The following NUP54 variants were observed in gnomAD, a reference collection of about 807,000 sequenced individuals.
NUP54 encodes nucleoporin p54.
A neutral mutation model predicts 66.4 loss-of-function variants in NUP54; 27 were observed. The observed-to-expected ratio is 0.41, with a 90% CI of 0.30 to 0.56. The LOEUF is 0.56. NUP54 is among the 20% of genes least tolerant of loss of function. The pLI is 0.34. For synonymous variants in NUP54, 206 were observed against 210.7 expected (o/e 0.98, Z 0.19); for missense variants, 486 against 596.3 (o/e 0.82, Z 1.93).
intron 4 of NUP54, among the ~76,000 whole-genome samples, chr4:76,135,290 T>A (rs1180532387): frequency 6.6e-6 from 1 of 152,202 alleles, no homozygotes; most frequent in Non-Finnish European, 1.5e-5. Flanking sequence ...AAGCCTTTTA[T>A]CCCTTTTCAC....
At chr4:76,138,557 T>C (rs1414635836) in intron 3 of NUP54, among the ~76,000 whole-genome samples, 1 of 152,152 alleles carries the variant, frequency 6.6e-6, no homozygotes, top group Non-Finnish European at 1.5e-5. Context: ...GTAGACAAGG[T>C]GCATTAAACA....
chr4:76,141,412 G>A (rs1044688493), intron 3 of NUP54, among the ~76,000 whole-genome samples: 2 of 151,920 alleles, frequency 1.3e-5, no homozygotes, highest in Non-Finnish European at 2.9e-5. Context: ...AACTACCCAA[G>A]GGACACCTCA....
intron 5 of NUP54, 38 bp from the exon 6 acceptor site, chr4:76,132,757 C>A (rs1037181684): frequency 1.3e-6 from 2 of 1,500,558 alleles, no homozygotes; most frequent in Non-Finnish European, 1.8e-6. Flanking sequence ...ATATGGAGCA[C>A]AAAACTCATA....
Position 76,132,587 on chromosome 4 carries a change from A to T in NUP54, c.843T>A (p.Leu281=). ...KTQLQQLGVT[L]SMTRTELSPA... ...GAGAAAGTTCTGTTCTAGTCATAGA[A>T]AGGGTTACACCAAGTTGCTGCAATT... Residue 281 remains leucine, a synonymous_variant, in exon 6 of 12, where the codon CTT becomes CTA. Coordinates refer to ENST00000264883, the MANE Select transcript of NUP54 (RefSeq NM_017426.4). 1.2e-6 allele frequency: 2 copies of T among 1,614,110 alleles called. No homozygotes were observed. Among genetic ancestry groups the T allele is most frequent in the Non-Finnish European group, 1.7e-6 (2 of 1,180,002 alleles).
rs1416487625 is a variant in NUP54, at chr4:76,115,127, CA to C, written c.*238del. On this transcript the variant is annotated 3_prime_UTR_variant, in exon 12 of 12. Coordinates refer to ENST00000264883, the MANE Select transcript of NUP54 (RefSeq NM_017426.4). ...AGTACATACAATTTTGGTAATTATG[CA>C]CTTCTTTTAAAGTAAATACAGCTTT... 2.9e-6 allele frequency: 1 copy of C among 342,324 alleles called. No individual in the cohort carries two copies. The highest frequency in any genetic ancestry group is 5.2e-6 in the Non-Finnish European group (1 of 191,936). The allele number at this position is 342,324 out of a possible 1,614,324, so 21.2% of individuals were successfully genotyped here.
chr4:76,119,862 A>C (rs983899836), intron 9 of NUP54, among the ~76,000 whole-genome samples: 4 of 152,088 alleles, frequency 2.6e-5, no homozygotes, highest in Non-Finnish European at 5.9e-5. Flanking sequence ...ACACACACAT[A>C]GACCGACTGC....
At chr4:76,134,074 T>C in intron 5 of NUP54, 101 bp downstream of exon 5, 2 of 734,352 alleles carry the variant, frequency 2.7e-6, no homozygotes, top group Admixed American at 6.3e-5. Context: ...CATTCTGCTC[T>C]GAGAGTTAAT....
Position 76,144,333 on chromosome 4 carries a change from A to G in NUP54, c.152-41T>C. The G allele has an allele frequency of 2.5e-6, 4 of 1,595,844 alleles. No homozygotes were observed. In the South Asian group the frequency reaches 4.6e-5, roughly 18 times the overall value. ...TGGAACTTCGTAAGTTAAAAAAAAA[A>G]AAAAATCTGACCTCTACTTCATTTA... On this transcript the variant is annotated intron_variant, in intron 2 of 11. Transcript: ENST00000264883.
At chr4:76,147,366 A>G (rs775368958) in intron 1 of NUP54, 12 of 598,082 alleles carry the variant, frequency 2.0e-5, no homozygotes, top group South Asian at 4.6e-5. Context: ...ATAAGGAAAT[A>G]AATTTCCTTT....
At chr4:76,125,638 G>GA in intron 8 of NUP54, among the ~76,000 whole-genome samples, 1 of 45,716 alleles carries the variant, frequency 2.2e-5, no homozygotes, top group South Asian at 1.0e-3. Context: ...GAGGGGGAGA[G>GA]GGGGAGAGGG....
At position 76,143,172 on chromosome 4, in the gene NUP54, C is replaced by T. The variant is rs536241591; in HGVS notation, c.295+977G>A. Among the ~76,000 whole-genome samples, 31 of 152,094 alleles carry T rather than the reference C, an allele frequency of 2.0e-4. No individual in the cohort carries two copies. The South Asian group carries it at 3.9e-3, about 19-fold the overall frequency. Reference sequence around the variant, plus strand: ...CAAAACAACAAAATATATATATGTACGCCCCAGATCTAACCCAATCATCAA... The same window carrying T: ...CAAAACAACAAAATATATATATGTATGCCCCAGATCTAACCCAATCATCAA... On this transcript the variant is annotated intron_variant, in intron 3 of 11. Coordinates refer to ENST00000264883, the MANE Select transcript of NUP54 (RefSeq NM_017426.4).
intron 2 of NUP54, 21 bp from the exon 3 acceptor site, chr4:76,144,313 C>A: frequency 6.4e-7 from 1 of 1,564,882 alleles, no homozygotes; most frequent in East Asian, 2.4e-5. Flanking sequence ...AAAATTGGAA[C>A]TTCGTAAGTT....
intron 8 of NUP54, among the ~76,000 whole-genome samples, chr4:76,127,046 A>G (rs61153596): frequency 0.16 from 23,807 of 152,078 alleles, 2,855 homozygotes; most frequent in African/African-American, 0.33. Flanking sequence ...AACATAAGAG[A>G]GGGTCTAGAA....
At chr4:76,118,295 AAAC>A (rs1246357129) in intron 9 of NUP54, 101 bp from the exon 10 acceptor site, 5 of 1,076,222 alleles carry the variant, frequency 4.6e-6, no homozygotes, top group Non-Finnish European at 2.8e-6. Flanking sequence ...GCTGAAAATC[AAAC>A]AACAGTAGGG....
chr4:76,125,287 C>CA (rs1730422307), intron 8 of NUP54, among the ~76,000 whole-genome samples: 1 of 108,610 alleles, frequency 9.2e-6, no homozygotes, highest in South Asian at 2.8e-4. Flanking sequence ...CTCACAGAAA[C>CA]AAAAAACAAA....
rs1201425934 is a variant in NUP54, at chr4:76,114,727, TA to T, written c.*638del. On this transcript the variant is annotated 3_prime_UTR_variant, in exon 12 of 12. Transcript: ENST00000264883. ...TCATCTTTTTAGAAATAAAAAGGCT[TA>T]AAAAACAAAATGGTTGCAAAAATGG... 5.3e-5 allele frequency: 8 copies of T among 151,250 alleles called. No homozygotes were observed. The highest frequency in any genetic ancestry group is 1.7e-4 in the African/African-American group (7 of 41,384). The allele number at this position is 151,250 out of a possible 1,614,324, so 9.4% of individuals were successfully genotyped here. A position where few individuals can be genotyped will look rare whatever the true frequency, so the allele number is the denominator to read the frequency against.
At chr4:76,118,230 ATC>A (rs1210444616) in intron 9 of NUP54, 36 bp from the exon 10 acceptor site, 3 of 1,594,680 alleles carry the variant, frequency 1.9e-6, no homozygotes, top group East Asian at 2.2e-5. Context: ...CAACAGAATC[ATC>A]TCTTTTTAGT....
intron 3 of NUP54, among the ~76,000 whole-genome samples, chr4:76,139,596 G>T (rs1055055628): frequency 3.9e-5 from 6 of 152,164 alleles, no homozygotes; most frequent in African/African-American, 1.4e-4. Flanking sequence ...TTTGGATCAT[G>T]ATTCAAACAA....
intron 8 of NUP54, among the ~76,000 whole-genome samples, chr4:76,125,318 A>T (rs1730426401): frequency 3.6e-5 from 2 of 54,854 alleles, no homozygotes; most frequent in Non-Finnish European, 7.0e-5. Flanking sequence ...AGACTCCATC[A>T]CACACACACA....
Sources: allele counts gnomAD v4.1 joint callset (sites outside exome capture counted in the v4.1 genomes callset), GRCh38; gene constraint gnomAD v4.1.1; transcripts MANE v1.5; gene names NCBI Gene and HGNC (gene_info 2026-07-23, HGNC 2026-07-21).